The following RFFL variants were observed in gnomAD, a reference collection of about 807,000 sequenced individuals.
RFFL encodes the protein ring finger and FYVE like domain containing E3 ubiquitin protein ligase.
RFFL carries 16 observed loss-of-function variants against 40.4 expected under a neutral mutation model. The observed-to-expected ratio is 0.40, with a 90% CI of 0.27 to 0.60. RFFL has a LOEUF of 0.60. Among genes scored for constraint, RFFL ranks in the 20% least tolerant of loss-of-function variants. RFFL has a pLI of 0.47. For missense variants in RFFL, 367 were observed against 451.7 expected (o/e 0.81, Z 1.70); for synonymous variants, 154 against 167.9 (o/e 0.92, Z 0.64).
intron 1 of RFFL, among the ~76,000 whole-genome samples, chr17:35,049,456 C>G (rs1302883517): frequency 6.6e-6 from 1 of 152,104 alleles, no homozygotes; most frequent in Non-Finnish European, 1.5e-5. Flanking sequence ...TATAACCAAT[C>G]CAGTCCTCTA....
chr17:35,083,959 G>A (rs779337407), intron 1 of RFFL, among the ~76,000 whole-genome samples: 3 of 152,070 alleles, frequency 2.0e-5, no homozygotes, highest in African/African-American at 7.2e-5. Flanking sequence ...AGCCAGGCAC[G>A]GTGGCTCAAT....
At chr17:35,067,622 T>C (rs1010856396), upstream of RFFL, among the ~76,000 whole-genome samples, 11 of 151,796 alleles carry the variant, frequency 7.2e-5, no homozygotes, top group Admixed American at 2.0e-4. Flanking sequence ...GCCTGGCTAA[T>C]TTTTGTATTT....
intron 1 of RFFL, among the ~76,000 whole-genome samples, chr17:35,029,570 G>C (rs761040070): frequency 4.0e-5 from 6 of 148,950 alleles, no homozygotes; most frequent in East Asian, 2.0e-4. Context: ...GCCCAGGCTG[G>C]AGTGCAGTGG....
chr17:35,069,441 G>A (rs972613940), intron 1 of RFFL: 10 of 411,878 alleles, frequency 2.4e-5, no homozygotes, highest in East Asian at 1.4e-4. Context: ...AAAAGGATAC[G>A]ACTGCACAGC....
chr17:35,017,094 A>G (rs573771717), intron 4 of RFFL, among the ~76,000 whole-genome samples: 1 of 152,154 alleles, frequency 6.6e-6, no homozygotes, highest in Non-Finnish European at 1.5e-5. Context: ...TTCCCTGGCA[A>G]GTACTCCTCT....
At position 35,038,149 on chromosome 17, in the gene RFFL, C is replaced by T. The variant is rs1020056878; in HGVS notation, c.-8-11588G>A. Among the ~76,000 whole-genome samples the T allele has an allele frequency of 4.6e-5, 7 of 151,908 alleles. No individual in the cohort carries two copies. In the South Asian group the frequency reaches 6.2e-4, roughly 14 times the overall value. ...CTAAAAATACAAAAAATTAGCCAGG[C>T]GTGGTGGCACATGCCTATAATCCCA... On this transcript the variant is annotated intron_variant, in intron 1 of 6. Transcript: ENST00000394597.
intron 1 of RFFL, among the ~76,000 whole-genome samples, chr17:35,059,529 A>C (rs964172263): frequency 2.0e-5 from 3 of 152,214 alleles, no homozygotes; most frequent in Non-Finnish European, 2.9e-5. Flanking sequence ...AATGGTTGTC[A>C]TGTTATGCCA....
At chr17:35,041,543 G>A (rs1449322526) in intron 1 of RFFL, among the ~76,000 whole-genome samples, 1 of 151,456 alleles carries the variant, frequency 6.6e-6, no homozygotes, top group East Asian at 2.0e-4. Context: ...TTTCTCACTC[G>A]TTAACTTCAA....
At chr17:35,040,789 A>G (rs2142345118) in intron 1 of RFFL, among the ~76,000 whole-genome samples, 1 of 148,686 alleles carries the variant, frequency 6.7e-6, no homozygotes, top group South Asian at 2.1e-4. Flanking sequence ...TGGTCTCCCT[A>G]GAACTTCCTA....
intron 3 of RFFL, among the ~76,000 whole-genome samples, chr17:35,020,819 C>A (rs1436392249): frequency 6.6e-6 from 1 of 152,102 alleles, no homozygotes; most frequent in African/African-American, 2.4e-5. Context: ...ACTTCCAAGC[C>A]CCCCAGGATA....
chr17:35,086,302 A>G (rs1258851030), intron 1 of RFFL, among the ~76,000 whole-genome samples: 2 of 152,090 alleles, frequency 1.3e-5, no homozygotes, highest in African/African-American at 4.8e-5. Flanking sequence ...CCTGGGCAAC[A>G]TGGCAAAACC....
chr17:35,078,009 A>C (rs941799698), intron 1 of RFFL, among the ~76,000 whole-genome samples: 4 of 152,200 alleles, frequency 2.6e-5, no homozygotes, highest in African/African-American at 7.2e-5. Flanking sequence ...GCAAAATAAT[A>C]GCATTTCTCA....
rs772205390 is a variant in RFFL at position 35,048,091 on chromosome 17, CTCTA to C, written c.-9+15481_-9+15484del. Among the ~76,000 whole-genome samples, 17 of 152,162 alleles carry C rather than the reference CTCTA, an allele frequency of 1.1e-4. 1 individual carries two copies. In the South Asian group the frequency reaches 2.1e-3, roughly 19 times the overall value. Reference sequence around the variant, plus strand: ...AAAAAGACGTTTATCAGTTCTATTCCTCTATCTATCTGCTTTTTAAAAATTTAGG... The same window carrying C: ...AAAAAGACGTTTATCAGTTCTATTCCTCTATCTGCTTTTTAAAAATTTAGG... On this transcript the variant is annotated intron_variant, in intron 1 of 6. Coordinates refer to ENST00000394597, the MANE Select transcript of RFFL (RefSeq NM_001017368.2).
At chr17:35,074,957 G>T (rs1384458648) in intron 1 of RFFL, among the ~76,000 whole-genome samples, 1 of 152,082 alleles carries the variant, frequency 6.6e-6, no homozygotes, top group South Asian at 2.1e-4. Flanking sequence ...TAGCTCCTGT[G>T]GCCAACATAC....
intron 1 of RFFL, among the ~76,000 whole-genome samples, chr17:35,055,774 C>T (rs1379740506): frequency 1.3e-5 from 2 of 151,784 alleles, no homozygotes; most frequent in South Asian, 2.1e-4. Context: ...AGATACTGAC[C>T]ATTTGCATCC....
intron 1 of RFFL, among the ~76,000 whole-genome samples, chr17:35,031,349 C>T (rs1363356082): frequency 2.0e-5 from 3 of 151,874 alleles, no homozygotes; most frequent in East Asian, 1.9e-4. Flanking sequence ...TCAGGTGATC[C>T]GCCTGCCACG....
intron 1 of RFFL, chr17:35,069,472 A>G: frequency 2.7e-6 from 1 of 373,410 alleles, no homozygotes; most frequent in South Asian, 2.0e-5. Context: ...CATCAAGGTA[A>G]TCAAAGTAAT....
upstream of RFFL, among the ~76,000 whole-genome samples, chr17:35,068,252 A>T (rs1279915259): frequency 6.6e-6 from 1 of 152,202 alleles, no homozygotes; most frequent in Non-Finnish European, 1.5e-5. Flanking sequence ...TATATAGCTC[A>T]TATGTCTTGA....
chr17:35,036,707 A>C (rs1417676137), intron 1 of RFFL, among the ~76,000 whole-genome samples: 1 of 152,254 alleles, frequency 6.6e-6, no homozygotes, highest in Non-Finnish European at 1.5e-5. Flanking sequence ...CAGTGTTAAT[A>C]ACAGAATAAG....
Sources: gnomAD v4.1 joint callset for allele counts (sites outside exome capture counted in the v4.1 genomes callset) on GRCh38, gnomAD v4.1.1 for gene constraint, MANE v1.5 for transcripts, NCBI Gene and HGNC (gene_info 2026-07-23, HGNC 2026-07-21) for gene names.